WIPF3: variants seen among roughly 807,000 people sequenced by gnomAD.
WIPF3 encodes the protein WAS/WASL interacting protein family member 3.
Under a neutral mutation model 38.9 loss-of-function variants are expected in WIPF3, and 33 were observed. The ratio of observed to expected loss-of-function variants is 0.85; its 90% CI spans 0.64 to 1.14. The LOEUF is 1.14. Ranked by LOEUF, WIPF3 falls within the 50% of genes most tolerant of loss-of-function variation. The pLI is 0.00. For synonymous variants in WIPF3, 324 were observed against 269.3 expected (o/e 1.20, Z -1.99); for missense variants, 711 against 652.5 (o/e 1.09, Z -0.98).
chr7:29,835,211 G>T (rs116673), intron 2 of WIPF3, among the ~76,000 whole-genome samples: 140,118 of 152,104 alleles, frequency 0.92, 64,771 homozygotes, highest in African/African-American at 0.98. Flanking sequence ...GTGATAATGA[G>T]AGATTGAGCT....
At chr7:29,858,558 T>G (rs1343620725) in intron 2 of WIPF3, among the ~76,000 whole-genome samples, 2 of 152,234 alleles carry the variant, frequency 1.3e-5, no homozygotes, top group Non-Finnish European at 2.9e-5. Flanking sequence ...CTTCCTCAGA[T>G]AGTTGGTCTG....
chr7:29,808,275 T>G (rs1583585281), intron 1 of WIPF3, among the ~76,000 whole-genome samples: 1 of 152,084 alleles, frequency 6.6e-6, no homozygotes, highest in Admixed American at 6.5e-5. Context: ...AAAAACCAAA[T>G]CAGAAAAGAA....
At chr7:29,868,282 G>A (rs1343249926) in intron 2 of WIPF3, among the ~76,000 whole-genome samples, 1 of 151,966 alleles carries the variant, frequency 6.6e-6, no homozygotes, top group African/African-American at 2.4e-5. Context: ...GAAGAGACAG[G>A]GGATAAACCC....
intron 7 of WIPF3, among the ~76,000 whole-genome samples, chr7:29,898,382 C>G (rs761955745): frequency 6.6e-6 from 1 of 152,158 alleles, no homozygotes; most frequent in South Asian, 2.1e-4. Context: ...TCTGCCACTC[C>G]CATTCTGCCC....
At chr7:29,899,795 AAAG>A (rs1245282381) in intron 7 of WIPF3, among the ~76,000 whole-genome samples, 1 of 152,262 alleles carries the variant, frequency 6.6e-6, no homozygotes, top group Non-Finnish European at 1.5e-5. Context: ...TGTATACAAA[AAAG>A]TATATAAAAT....
In WIPF3 at chr7:29,904,317, AGCAG is replaced by A; in HGVS notation, c.1384_1387del (p.Ala462SerfsTer17). ...CACCTGGTCCCTGGCTCCAAGCGGA[AGCAG>A]TCGGGCAGAGCTCTGATGACATCAA... On this transcript the variant is annotated frameshift_variant, in exon 8 of 9. Coordinates refer to ENST00000242140, the MANE Select transcript of WIPF3 (RefSeq NM_001080529.3). LOFTEE classifies it high-confidence loss of function. The A allele has an allele frequency of 6.2e-7, 1 of 1,613,968 alleles. No individual in the cohort carries two copies. The highest frequency in any genetic ancestry group is 8.5e-7 in the Non-Finnish European group (1 of 1,179,846).
Position 29,844,101 on chromosome 7 carries a change from G to A in WIPF3, c.90+9287G>A, listed in dbSNP as rs1027702546. Among the ~76,000 whole-genome samples, 4 of 152,276 alleles carry A rather than the reference G, an allele frequency of 2.6e-5. No individual in the cohort carries two copies. The highest frequency in any genetic ancestry group is 2.1e-4 in the South Asian group (1 of 4,822). On this transcript the variant is annotated intron_variant, in intron 2 of 8. Coordinates refer to ENST00000242140, the MANE Select transcript of WIPF3 (RefSeq NM_001080529.3). The surrounding 1 kb of genome is among the most constrained non-coding windows in gnomAD (Gnocchi z 4.8). ...ATGTAGACAGTGTAGTCCCAATTAC[G>A]TAAAAGAAAACTGTGTGTGCACAGG...
intron 4 of WIPF3, among the ~76,000 whole-genome samples, chr7:29,883,186 G>A (rs745632905): frequency 1.5e-4 from 23 of 152,180 alleles, no homozygotes; most frequent in Non-Finnish European, 2.8e-4. Context: ...GGATCTATAG[G>A]ATGAGAAAGC....
intron 2 of WIPF3, among the ~76,000 whole-genome samples, chr7:29,873,222 G>C (rs1310902191): frequency 2.0e-5 from 3 of 152,128 alleles, no homozygotes; most frequent in African/African-American, 7.2e-5. Flanking sequence ...GTGAGGGATG[G>C]GGTTTTCTCA....
intron 1 of WIPF3, among the ~76,000 whole-genome samples, chr7:29,817,428 G>C (rs1405348565): frequency 2.0e-5 from 3 of 151,964 alleles, no homozygotes; most frequent in African/African-American, 7.2e-5. Context: ...TTTCTGACTT[G>C]TAGATTTTAA....
chr7:29,830,619 CAA>C (rs56261573), intron 1 of WIPF3, among the ~76,000 whole-genome samples: 80 of 100,778 alleles, frequency 7.9e-4, no homozygotes, highest in Admixed American at 1.2e-3. Context: ...GACTCTGTCT[CAA>C]AAAAAAAAAA....
intron 1 of WIPF3, among the ~76,000 whole-genome samples, chr7:29,834,390 T>C (rs778010867): frequency 6.6e-6 from 1 of 152,178 alleles, no homozygotes; most frequent in East Asian, 1.9e-4. Flanking sequence ...TATACATATA[T>C]ATGTATATTC....
chr7:29,813,293 C>T (rs1369712739), intron 1 of WIPF3, among the ~76,000 whole-genome samples: 1 of 152,198 alleles, frequency 6.6e-6, no homozygotes, highest in African/African-American at 2.4e-5. Context: ...CACACATAGC[C>T]CCACGGTGCT....
chr7:29,860,750 GA>G (rs1785260819), intron 2 of WIPF3, among the ~76,000 whole-genome samples: 1 of 152,194 alleles, frequency 6.6e-6, no homozygotes, highest in Non-Finnish European at 1.5e-5. Flanking sequence ...AGTAGAACTA[GA>G]AAGGATGGTA....
Position 29,884,091 on chromosome 7 carries a change from G to T in WIPF3, c.597G>T (p.Pro199=). ...PLPSSSPIKT[P]LVSPPGPLTK... Reference sequence around the variant, plus strand: ...CCTCTTCCTCCCCCATCAAAACTCCGCTTGTGTCCCCACCCGGCCCACTGA... The same window carrying T: ...CCTCTTCCTCCCCCATCAAAACTCCTCTTGTGTCCCCACCCGGCCCACTGA... Residue 199 remains proline, a synonymous_variant, in exon 5 of 9, where the codon CCG becomes CCT. Transcript: ENST00000242140. 1.6e-6 allele frequency: 2 copies of T among 1,282,140 alleles called. No individual in the cohort carries two copies. The highest frequency in any genetic ancestry group is 2.0e-6 in the Non-Finnish European group (2 of 995,776). The allele number at this position is 1,282,140 out of a possible 1,614,324, so 79.4% of individuals were successfully genotyped here. A position where few individuals can be genotyped will look rare whatever the true frequency, so the allele number is the denominator to read the frequency against.
In WIPF3 at chr7:29,884,595, T is replaced by A; in HGVS notation, c.1099+2T>A. ...AGAAGAAGAGGCATGGCCGACCAGG[T>A]AAGGAGCGCTGCCTGGCCCAGTGCC... On this transcript the variant is annotated splice_donor_variant, in intron 5 of 8. Transcript: ENST00000242140. LOFTEE classifies it high-confidence loss of function. 1.2e-6 allele frequency: 2 copies of A among 1,603,214 alleles called. No homozygotes were observed. Among genetic ancestry groups the A allele is most frequent in the Non-Finnish European group, 1.7e-6 (2 of 1,176,382 alleles).
At chr7:29,868,981 C>T (rs533901914) in intron 2 of WIPF3, among the ~76,000 whole-genome samples, 11 of 152,230 alleles carry the variant, frequency 7.2e-5, no homozygotes, top group African/African-American at 2.6e-4. Flanking sequence ...CATACACCCC[C>T]CAAGCACAAC....
At chr7:29,852,694 A>T (rs73686250) in intron 2 of WIPF3, among the ~76,000 whole-genome samples, 1 of 152,142 alleles carries the variant, frequency 6.6e-6, no homozygotes, top group Non-Finnish European at 1.5e-5. Context: ...TTGCGAAACC[A>T]CTTGTTCTCT....
intron 8 of WIPF3, among the ~76,000 whole-genome samples, chr7:29,906,460 A>G (rs1786399155): frequency 6.6e-6 from 1 of 152,216 alleles, no homozygotes; most frequent in South Asian, 2.1e-4. Context: ...AAACTTGAAG[A>G]TAGGACAACT....
Sources: allele counts gnomAD v4.1 joint callset (sites outside exome capture counted in the v4.1 genomes callset), GRCh38; gene constraint gnomAD v4.1.1; non-coding constraint Gnocchi (gnomAD v3.1); transcripts MANE v1.5; gene names NCBI Gene and HGNC (gene_info 2026-07-23, HGNC 2026-07-21).